Variants in STK36 observed in about 807,000 individuals in gnomAD.
The protein encoded by STK36 is serine/threonine kinase 36.
STK36 carries 116 observed loss-of-function variants against 142.2 expected under a neutral mutation model. The observed-to-expected ratio is 0.82, with a 90% confidence interval of 0.70 to 0.95. The LOEUF is 0.95. Among genes scored for constraint, STK36 ranks in the 40% least tolerant of loss-of-function variants. The pLI is 0.00. For synonymous variants in STK36, 619 were observed against 641.7 expected, an observed-to-expected ratio of 0.96 and a Z score of 0.53; for missense variants, 1,422 against 1,617.2, an observed-to-expected ratio of 0.88 and a Z score of 2.07.
intron 12 of STK36, among the ~76,000 whole-genome samples, chr2:218,689,170 T>C (rs1341811385): frequency 6.6e-6 from 1 of 152,186 alleles, no homozygotes; most frequent in African/African-American, 2.4e-5. Context: ...CTCCAGCCCA[T>C]TGTTGCCACA....
rs1432757442 is a variant in STK36, at chr2:218,675,620, A to G, written c.434+147A>G. ...ACTCACCACAACCTCTGCCTCCCGG[A>G]TTCAAGCAATTCTACTGCCTCAGCC... On this transcript the variant is annotated intron_variant, in intron 5 of 26. Coordinates refer to ENST00000295709, the MANE Select transcript of STK36 (RefSeq NM_015690.5). 7.3e-6 allele frequency: 7 copies of G among 962,178 alleles called. No homozygotes were observed. The African/African-American group carries it at 1.0e-4, about 14-fold the overall frequency. The allele number at this position is 962,178 out of a possible 1,614,324, so 59.6% of individuals were successfully genotyped here.
intron 9 of STK36, 57 bp downstream of exon 9, chr2:218,680,137 C>T: frequency 6.5e-7 from 1 of 1,539,508 alleles, no homozygotes; most frequent in South Asian, 1.2e-5. Context: ...ATCTTTAACT[C>T]TAGCCAAAGC....
chr2:218,688,651 A>C (rs1456864474), intron 11 of STK36, 46 bp from the exon 12 acceptor site: 1 of 1,583,014 alleles, frequency 6.3e-7, no homozygotes, highest in Non-Finnish European at 8.6e-7. Context: ...TCCTTCTTTT[A>C]CCTCTGAAAA....
Position 218,699,334 on chromosome 2 carries a change from C to G in STK36, c.3790C>G (p.Pro1264Ala). The change falls in exon 26 of 27, where the codon CCT (proline) becomes GCT (alanine). Residue 1264 changes from proline to alanine, a missense_variant. Pro to Ala is a conservative substitution (Grantham distance 27). This residue lies in a region of STK36 where 962 missense variants were observed against 1,167.5 expected (regional missense o/e 0.82). Transcript: ENST00000295709. ...LIALRSLQQEPGIHQVLVSLG... is the reference protein window; with the variant it reads ...LIALRSLQQEAGIHQVLVSLG... ...TGCCCTCCGGAGCCTGCAACAGGAGCCTGGCATCCATCAGGTATACCCTAC... is the reference window on the plus strand; with the variant it reads ...TGCCCTCCGGAGCCTGCAACAGGAGGCTGGCATCCATCAGGTATACCCTAC... The G allele has an allele frequency of 6.2e-7, 1 of 1,613,664 alleles. No individual in the cohort carries two copies. The highest frequency in any genetic ancestry group is 8.5e-7 in the Non-Finnish European group (1 of 1,179,910).
Position 218,694,442 on chromosome 2 carries a change from G to C in STK36, c.2401-83G>C, listed in dbSNP as rs1443244087. On this transcript the variant is annotated intron_variant, in intron 20 of 26. Transcript: ENST00000295709. The surrounding 1 kb of genome is among the most constrained non-coding windows in gnomAD (Gnocchi z 4.4). ...TTTCTGGAGGCATTCTTTTGGACCAGGACAGAGACATAAATCCTCTCTGCC... is the reference window on the plus strand; with the variant it reads ...TTTCTGGAGGCATTCTTTTGGACCACGACAGAGACATAAATCCTCTCTGCC... 6.5e-7 allele frequency: 1 copy of C among 1,531,848 alleles called. No individual in the cohort carries two copies. Among genetic ancestry groups the C allele is most frequent in the Non-Finnish European group, 9.0e-7 (1 of 1,105,902 alleles). 94.9% of individuals were successfully genotyped at this position (1,531,848 alleles called of 1,614,324 possible).
At position 218,673,759 on chromosome 2, in the gene STK36, T is replaced by C. The variant is rs1656907761; in HGVS notation, c.219T>C (p.Asp73=). The C allele has an allele frequency of 2.5e-6, 4 of 1,613,820 alleles. No homozygotes were observed. Among genetic ancestry groups the C allele is most frequent in the South Asian group, 1.1e-5 (1 of 91,044 alleles). Residue 73 remains aspartate (D), a synonymous_variant, in exon 3 of 27, where the codon GAT becomes GAC. Transcript: ENST00000295709. ...IVHMLDSFET[D]KEVVVVTDYA... ...ATATGCTTGACAGCTTTGAAACTGATAAAGAGGTGTGCTTTGACAGTTTTG... is the reference window on the plus strand; with the variant it reads ...ATATGCTTGACAGCTTTGAAACTGACAAAGAGGTGTGCTTTGACAGTTTTG...
rs73079030 is a variant in STK36, at chr2:218,676,388, C to T, written c.684+110C>T. 16,648 of 1,365,388 alleles carry T rather than the reference C, an allele frequency of 0.012. 1,587 individuals carry two copies. In the African/African-American group the frequency reaches 0.21, roughly 17 times the overall value. 84.6% of individuals were successfully genotyped at this position (1,365,388 alleles called of 1,614,324 possible). On this transcript the variant is annotated intron_variant, in intron 6 of 26. Coordinates refer to ENST00000295709, the MANE Select transcript of STK36 (RefSeq NM_015690.5). Reference sequence around the variant, plus strand: ...GAGCTGAGGCGGGACTTTGCAGTTACTGAATTAATGGCTGTGTTATTCTGT... The same window carrying T: ...GAGCTGAGGCGGGACTTTGCAGTTATTGAATTAATGGCTGTGTTATTCTGT...
intron 22 of STK36, 29 bp from the exon 23 acceptor site, chr2:218,697,010 C>T (rs921992326): frequency 1.9e-6 from 3 of 1,611,972 alleles, no homozygotes; most frequent in Non-Finnish European, 2.5e-6. Context: ...TCTGTCTTTC[C>T]CCCCGCCCTC....
chr2:218,694,465 G>A lies in STK36; in HGVS notation c.2401-60G>A. On this transcript the variant is annotated intron_variant, in intron 20 of 26. Transcript: ENST00000295709. This position sits in a 1 kb window ranked among gnomAD's most constrained non-coding sequence, Gnocchi z 4.4. ...CAGGACAGAGACATAAATCCTCTCT[G>A]CCTGTCCTGAATGCCATTTAGATTT... 2 of 1,561,982 alleles carry A rather than the reference G, an allele frequency of 1.3e-6. No homozygotes were observed. Among genetic ancestry groups the A allele is most frequent in the South Asian group, 2.2e-5 (2 of 89,986 alleles).
Position 218,689,661 on chromosome 2 carries a change from A to G in STK36, c.1561-198A>G, listed in dbSNP as rs1342478550. ...AAATGCTATTCAGGCCAAACAAGAC[A>G]CATTTAATCCAGGCTGTTCACAGCC... On this transcript the variant is annotated intron_variant, in intron 12 of 26. Transcript: ENST00000295709. 2.0e-5 allele frequency among the ~76,000 whole-genome samples: 3 copies of G among 152,372 alleles called. No individual in the cohort carries two copies. In the East Asian group the frequency reaches 5.8e-4, roughly 29 times the overall value.
At chr2:218,693,851 G>A (rs777389055) in intron 18 of STK36, 30 bp downstream of exon 18, 2 of 1,614,160 alleles carry the variant, frequency 1.2e-6, no homozygotes, top group Admixed American at 1.7e-5. Flanking sequence ...CAGCCCCACT[G>A]TCTCAGCCAG....
intron 11 of STK36, among the ~76,000 whole-genome samples, chr2:218,687,484 T>C (rs1210781764): frequency 6.6e-6 from 1 of 152,240 alleles, no homozygotes; most frequent in African/African-American, 2.4e-5. Context: ...ATAATTGTCC[T>C]GGCACCATTT....
At chr2:218,698,150 C>T in intron 25 of STK36, 149 bp downstream of exon 25, 1 of 1,081,728 alleles carries the variant, frequency 9.2e-7, no homozygotes, top group South Asian at 1.6e-5. Context: ...AGACAGTACT[C>T]AGACCTGCGC....
chr2:218,678,140 A>C (rs1158810118), intron 6 of STK36, among the ~76,000 whole-genome samples: 1 of 152,090 alleles, frequency 6.6e-6, no homozygotes, highest in African/African-American at 2.4e-5. Context: ...TTTTAGAGAC[A>C]GGGTCTCACT....
chr2:218,690,448 A>G lies in STK36; in HGVS notation c.1659-2A>G. The G allele has an allele frequency of 6.2e-7, 1 of 1,613,764 alleles. No homozygotes were observed. The highest frequency in any genetic ancestry group is 8.5e-7 in the Non-Finnish European group (1 of 1,179,732). Reference sequence around the variant, plus strand: ...AATCATGGGCTCATTTTCCACCCCCAGCCTGCAGGTGTTTCAGGAGGCTGC... The same window carrying G: ...AATCATGGGCTCATTTTCCACCCCCGGCCTGCAGGTGTTTCAGGAGGCTGC... On this transcript the variant is annotated splice_acceptor_variant, in intron 13 of 26. Transcript: ENST00000295709. LOFTEE classifies it high-confidence loss of function.
Position 218,694,521 on chromosome 2 carries a change from A to G in STK36, c.2401-4A>G. 1 of 1,613,906 alleles carries G rather than the reference A, an allele frequency of 6.2e-7. No homozygotes were observed. The stretch of plus-strand genomic sequence containing the variant: ...TTCTTTCTCCTCTTTTACCTCTCCC[A>G]CAGAGTGCAGCAGCCTGTCTATTGG... On this transcript the variant is annotated splice_polypyrimidine_tract_variant and splice_region_variant and intron_variant, in intron 20 of 26. Coordinates refer to ENST00000295709, the MANE Select transcript of STK36 (RefSeq NM_015690.5). The surrounding 1 kb of genome is among the most constrained non-coding windows in gnomAD (Gnocchi z 4.4).
Position 218,699,259 on chromosome 2 carries a change from G to T in STK36, c.3715G>T (p.Glu1239Ter). 1 of 1,614,082 alleles carries T rather than the reference G, an allele frequency of 6.2e-7. No individual in the cohort carries two copies. Among genetic ancestry groups the T allele is most frequent in the Non-Finnish European group, 8.5e-7 (1 of 1,180,016 alleles). The change falls in exon 26 of 27, where the codon GAA (glutamate) becomes TAA (stop). Residue 1239 changes from glutamate (E) to a stop codon, truncating the protein, a stop_gained. Coordinates refer to ENST00000295709, the MANE Select transcript of STK36 (RefSeq NM_015690.5). LOFTEE classifies it high-confidence loss of function. ...LQCEVPQRLLEMACGDPQPNV... is the reference protein window; with the variant it reads ...LQCEVPQRLL ...GTGCGAAGTACCCCAGCGGCTCCTA[G>T]AAATGGCATGTGGAGACCCCCAGCC...
At chr2:218,675,980 G>A (rs1940223735) in intron 5 of STK36, 49 bp from the exon 6 acceptor site, 1 of 1,605,652 alleles carries the variant, frequency 6.2e-7, no homozygotes. Flanking sequence ...TAGTGACCAG[G>A]TTTAGAATAT....
At position 218,698,955 on chromosome 2, in the gene STK36, C is replaced by G; in HGVS notation, c.3411C>G (p.Leu1137=). 1 of 1,614,164 alleles carries G rather than the reference C, an allele frequency of 6.2e-7. No individual in the cohort carries two copies. Among genetic ancestry groups the G allele is most frequent in the Non-Finnish European group, 8.5e-7 (1 of 1,180,036 alleles). Reference sequence around the variant, plus strand: ...CTTATAGGCTCCTGGGACACTTGCTCCAACACAGCATGGCCCTGCGTGGGG... The same window carrying G: ...CTTATAGGCTCCTGGGACACTTGCTGCAACACAGCATGGCCCTGCGTGGGG... The part of the protein sequence containing the change: ...AHTYRLLGHL[L]QHSMALRGAL... The change falls in exon 26 of 27, where the codon CTC becomes CTG. Residue 1137 remains leucine (L), a synonymous_variant. Coordinates refer to ENST00000295709, the MANE Select transcript of STK36 (RefSeq NM_015690.5).
Sources: allele counts gnomAD v4.1 joint callset (sites outside exome capture counted in the v4.1 genomes callset), GRCh38; gene constraint gnomAD v4.1.1; regional missense constraint gnomAD v4.1.1; non-coding constraint Gnocchi (gnomAD v3.1); transcripts MANE v1.5; gene names NCBI Gene and HGNC (gene_info 2026-07-23, HGNC 2026-07-21).